Variants in FAM120A observed in about 807,000 individuals in gnomAD.
FAM120A encodes constitutive coactivator of PPAR-gamma-like protein 1.
A neutral mutation model predicts 109.7 loss-of-function variants in FAM120A; 15 were observed. That is an observed-to-expected ratio of 0.14 (90% CI 0.09 to 0.21). The LOEUF is 0.21. Ranked by LOEUF, FAM120A falls within the 10% of genes least tolerant of loss-of-function variation. FAM120A has a pLI of 1.00. For missense variants in FAM120A, 899 were observed against 1,439.3 expected, an observed-to-expected ratio of 0.62 and a Z score of 6.07; for synonymous variants, 493 against 572.8, an observed-to-expected ratio of 0.86 and a Z score of 1.99.
intron 3 of FAM120A, among the ~76,000 whole-genome samples, chr9:93,488,118 T>G (rs1859144720): frequency 6.6e-6 from 1 of 152,240 alleles, no homozygotes; most frequent in Non-Finnish European, 1.5e-5. Context: ...CTTGAGCGTT[T>G]GTCATTGAAC....
chr9:93,470,884 A>G (rs888208143), intron 1 of FAM120A, among the ~76,000 whole-genome samples: 1 of 152,186 alleles, frequency 6.6e-6, no homozygotes, highest in African/African-American at 2.4e-5. Context: ...GAGCTTGACA[A>G]GAATTGAAAA....
At chr9:93,506,272 T>G (rs113776506) in intron 5 of FAM120A, among the ~76,000 whole-genome samples, 4 of 152,372 alleles carry the variant, frequency 2.6e-5, no homozygotes, top group African/African-American at 9.6e-5. Flanking sequence ...TTATTGAGTG[T>G]ACTAAAGAAA....
rs191592078 is a variant in FAM120A at position 93,458,771 on chromosome 9, C to T, written c.474+6382C>T. On this transcript the variant is annotated intron_variant, in intron 1 of 17. Coordinates refer to ENST00000277165, the MANE Select transcript of FAM120A (RefSeq NM_014612.5). ...TAAGAATGGCCTCTGCACCTACCCCCGCGCCCCAGTGGAACTAATCTTGCA... is the reference window on the plus strand; with the variant it reads ...TAAGAATGGCCTCTGCACCTACCCCTGCGCCCCAGTGGAACTAATCTTGCA... Among the ~76,000 whole-genome samples, 175 of 152,300 alleles carry T rather than the reference C, an allele frequency of 1.1e-3. 1 individual carries two copies. Among genetic ancestry groups the T allele is most frequent in the African/African-American group, 4.0e-3 (167 of 41,562 alleles).
intron 11 of FAM120A, among the ~76,000 whole-genome samples, chr9:93,549,405 G>C (rs868162789): frequency 7.9e-5 from 12 of 152,192 alleles, no homozygotes; most frequent in Admixed American, 2.6e-4. Context: ...AAGTGTGTAA[G>C]GTGCTTAGAC....
chr9:93,535,644 G>A (rs1861487540), intron 10 of FAM120A, among the ~76,000 whole-genome samples: 1 of 152,286 alleles, frequency 6.6e-6, no homozygotes, highest in Non-Finnish European at 1.5e-5. Flanking sequence ...ATAGGGAGCT[G>A]ATAAAATTGA....
intron 5 of FAM120A, among the ~76,000 whole-genome samples, chr9:93,507,902 T>G (rs1417918442): frequency 6.6e-6 from 1 of 152,186 alleles, no homozygotes; most frequent in East Asian, 1.9e-4. Flanking sequence ...GGGTGGCAAG[T>G]ACCACGCCTC....
At chr9:93,468,233 G>A (rs1398969431) in intron 1 of FAM120A, among the ~76,000 whole-genome samples, 1 of 152,214 alleles carries the variant, frequency 6.6e-6, no homozygotes, top group Non-Finnish European at 1.5e-5. Context: ...GTACTGGATA[G>A]ACTGTATCTT....
chr9:93,565,744 G>C lies in FAM120A; in HGVS notation c.*1204G>C, dbSNP rs1862611531. 3 of 149,682 alleles carry C rather than the reference G, an allele frequency of 2.0e-5. No individual in the cohort carries two copies. 9.3% of individuals were successfully genotyped at this position (149,682 alleles called of 1,614,324 possible). On this transcript the variant is annotated 3_prime_UTR_variant, in exon 18 of 18. Coordinates refer to ENST00000277165, the MANE Select transcript of FAM120A (RefSeq NM_014612.5). Reference sequence around the variant, plus strand: ...TTCTGTAGCAGGAAACAAATTGCTTGTTCTTGAGAACTTTCCCATCAAGAA... The same window carrying C: ...TTCTGTAGCAGGAAACAAATTGCTTCTTCTTGAGAACTTTCCCATCAAGAA...
At chr9:93,528,391 A>G (rs561550826) in intron 8 of FAM120A, among the ~76,000 whole-genome samples, 6 of 152,374 alleles carry the variant, frequency 3.9e-5, no homozygotes, top group African/African-American at 1.2e-4. Flanking sequence ...CATTAAATCA[A>G]TCAATAAGCA....
At chr9:93,479,090 A>ATTTT (rs11296612) in intron 3 of FAM120A, among the ~76,000 whole-genome samples, 1 of 81,636 alleles carries the variant, frequency 1.2e-5, no homozygotes, top group African/African-American at 5.3e-5. Flanking sequence ...AGGGTATTGC[A>ATTTT]TTTTTTTTTT....
In FAM120A at chr9:93,550,653, C is replaced by T. The variant is rs756990993; in HGVS notation, c.2236C>T (p.Pro746Ser). 2 of 1,613,974 alleles carry T rather than the reference C, an allele frequency of 1.2e-6. No homozygotes were observed. Among genetic ancestry groups the T allele is most frequent in the East Asian group, 4.5e-5 (2 of 44,888 alleles). ...LDAFLAQALS[P>S]KLYEPDQLQE... is the part of the protein sequence containing the mutation. ...TGCCTTCCTGGCTCAGGCGCTGTCC[C>T]CCAAACTCTACGAGCCTGATCAGCT... Residue 746 changes from proline to serine, a missense_variant, in exon 12 of 18, where the codon CCC (proline) becomes TCC (serine). Pro to Ser is a moderately conservative substitution (Grantham distance 74). Around this residue, in one of 11 missense-constraint regions of FAM120A, gnomAD observed 52 missense variants for 49.7 expected, o/e 1.05. Transcript: ENST00000277165.
chr9:93,461,681 T>A (rs1019532485), intron 1 of FAM120A, among the ~76,000 whole-genome samples: 7 of 152,326 alleles, frequency 4.6e-5, no homozygotes, highest in African/African-American at 1.7e-4. Context: ...ACATCACTCC[T>A]TTATTATTAT....
chr9:93,470,801 C>T (rs1046617652), intron 1 of FAM120A, among the ~76,000 whole-genome samples: 1 of 152,082 alleles, frequency 6.6e-6, no homozygotes, highest in African/African-American at 2.4e-5. Context: ...TTGTGTCTTT[C>T]TCCCCCTCTC....
Position 93,452,966 on chromosome 9 carries a change from T to C in FAM120A, c.474+577T>C, listed in dbSNP as rs1020547983. 9 of 1,361,088 alleles carry C rather than the reference T, an allele frequency of 6.6e-6. No individual in the cohort carries two copies. The African/African-American group carries it at 1.3e-4, about 20-fold the overall frequency. 84.3% of individuals were successfully genotyped at this position (1,361,088 alleles called of 1,614,324 possible). On this transcript the variant is annotated intron_variant, in intron 1 of 17. Coordinates refer to ENST00000277165, the MANE Select transcript of FAM120A (RefSeq NM_014612.5). The surrounding 1 kb of genome is among the most constrained non-coding windows in gnomAD (Gnocchi z 7.0). ...CCCTGGCCTCTACTTCAGAACGCAG[T>C]GCCCTGTCCGTGTTCCTCTTAGTAC... is the stretch of plus-strand genomic sequence containing the variant.
Position 93,452,815 on chromosome 9 carries a change from G to A in FAM120A, c.474+426G>A. 3 of 1,577,586 alleles carry A rather than the reference G, an allele frequency of 1.9e-6. No individual in the cohort carries two copies. The highest frequency in any genetic ancestry group is 2.3e-5 in the South Asian group (2 of 88,614). On this transcript the variant is annotated intron_variant, in intron 1 of 17. Transcript: ENST00000277165. This position sits in a 1 kb window ranked among gnomAD's most constrained non-coding sequence, Gnocchi z 7.0. ...AGCAACAGGTTCATCTTGGAAGCAG[G>A]CAGGATACAGAGTAATAGAGGGGGT...
chr9:93,528,495 C>T (rs1861181775), intron 8 of FAM120A, among the ~76,000 whole-genome samples: 5 of 152,184 alleles, frequency 3.3e-5, no homozygotes, highest in Admixed American at 2.0e-4. Flanking sequence ...GCTAAAGTGT[C>T]TCCTTCCTTT....
chr9:93,551,271 T>A (rs1265209796), intron 12 of FAM120A, among the ~76,000 whole-genome samples: 3 of 152,212 alleles, frequency 2.0e-5, no homozygotes, highest in Admixed American at 6.5e-5. Context: ...TTCCTTTTGT[T>A]CTTTAATTGT....
chr9:93,522,881 G>C (rs1455500940), intron 7 of FAM120A, among the ~76,000 whole-genome samples: 1 of 152,202 alleles, frequency 6.6e-6, no homozygotes. Flanking sequence ...TGAACCACAG[G>C]AAGGCAGGCT....
intron 1 of FAM120A, among the ~76,000 whole-genome samples, chr9:93,456,304 A>G (rs1225168282): frequency 4.6e-5 from 7 of 152,250 alleles, no homozygotes; most frequent in African/African-American, 1.2e-4. Context: ...TGTTTCTGCT[A>G]TATGACTTGT....
Sources: gnomAD v4.1 joint callset for allele counts (sites outside exome capture counted in the v4.1 genomes callset) on GRCh38, gnomAD v4.1.1 for gene constraint, gnomAD v4.1.1 regional missense constraint, Gnocchi (gnomAD v3.1) non-coding constraint, MANE v1.5 for transcripts, NCBI Gene and HGNC (gene_info 2026-07-23, HGNC 2026-07-21) for gene names.